MICU1: variants seen among roughly 807,000 people sequenced by gnomAD.
MICU1 encodes calcium uptake protein 1, mitochondrial.
Under a neutral mutation model 56.8 loss-of-function variants are expected in MICU1, and 45 were observed. That is an observed-to-expected ratio of 0.79 (90% CI 0.62 to 1.02). The LOEUF is 1.02. MICU1 is among the 50% of genes least tolerant of loss of function. MICU1 has a pLI of 0.00. For synonymous variants in MICU1, 186 were observed against 195.1 expected (o/e 0.95, Z 0.39); for missense variants, 504 against 587.1 (o/e 0.86, Z 1.46).
intron 6 of MICU1, among the ~76,000 whole-genome samples, chr10:72,492,126 G>C (rs7919788): frequency 0.57 from 86,329 of 151,920 alleles, 25,462 homozygotes; most frequent in Non-Finnish European, 0.67. Context: ...AGGAATGGTG[G>C]TTAGACTAAC....
intron 9 of MICU1, among the ~76,000 whole-genome samples, chr10:72,416,876 A>G (rs1283432535): frequency 6.6e-6 from 1 of 152,182 alleles, no homozygotes; most frequent in East Asian, 1.9e-4. Context: ...TACCGCCACC[A>G]TACAGAGGAC....
intron 10 of MICU1, among the ~76,000 whole-genome samples, chr10:72,386,063 C>T (rs1862877006): frequency 6.6e-6 from 1 of 152,200 alleles, no homozygotes; most frequent in Admixed American, 6.5e-5. Context: ...AATGAAGGCC[C>T]CCCAACAACA....
chr10:72,530,372 A>AATG lies in MICU1; in HGVS notation c.537+3371_537+3373dup, dbSNP rs1554886002. On this transcript the variant is annotated intron_variant, in intron 5 of 11. Transcript: ENST00000361114. ...TAATAATAATAATAATAATAATAAT[A>AATG]ATGCCAGAATATATTTTGTATTACC... is the stretch of plus-strand genomic sequence containing the variant. Among the ~76,000 whole-genome samples the AATG allele has an allele frequency of 7.9e-3, 1,131 of 143,962 alleles. 23 individuals are homozygous for AATG. Among genetic ancestry groups the AATG allele is most frequent in the African/African-American group, 0.025 (970 of 39,528 alleles). 94.4% of individuals were successfully genotyped at this position (143,962 alleles called of 152,430 possible).
intron 5 of MICU1, among the ~76,000 whole-genome samples, chr10:72,513,252 A>G (rs1165855691): frequency 6.6e-6 from 1 of 152,174 alleles, no homozygotes; most frequent in African/African-American, 2.4e-5. Context: ...AACCATCCTC[A>G]TGGATATGAC....
intron 1 of MICU1, among the ~76,000 whole-genome samples, chr10:72,584,442 G>A (rs1385776145): frequency 6.6e-6 from 1 of 152,118 alleles, no homozygotes; most frequent in Non-Finnish European, 1.5e-5. Flanking sequence ...ATGTATTAAT[G>A]TGTTCAGATC....
At chr10:72,589,953 C>A (rs1168751628) in intron 1 of MICU1, among the ~76,000 whole-genome samples, 2 of 151,932 alleles carry the variant, frequency 1.3e-5, no homozygotes, top group African/African-American at 4.8e-5. Context: ...CTGCAATACA[C>A]TAAAACGCCT....
At chr10:72,559,492 CA>C (rs1485452339) in intron 3 of MICU1, among the ~76,000 whole-genome samples, 1 of 150,976 alleles carries the variant, frequency 6.6e-6, no homozygotes, top group Non-Finnish European at 1.5e-5. Flanking sequence ...TGAAATATTA[CA>C]TAAAAATTAA....
intron 8 of MICU1, among the ~76,000 whole-genome samples, chr10:72,453,949 C>T (rs950910884): frequency 1.3e-5 from 2 of 152,140 alleles, no homozygotes; most frequent in African/African-American, 4.8e-5. Flanking sequence ...GATTTTCTTG[C>T]CTCAGCCTCC....
chr10:72,602,447 T>C (rs1370970884), intron 1 of MICU1, among the ~76,000 whole-genome samples: 1 of 150,912 alleles, frequency 6.6e-6, no homozygotes, highest in African/African-American at 2.4e-5. Context: ...CGAGATTCTG[T>C]CTCAAAAAAA....
intron 9 of MICU1, among the ~76,000 whole-genome samples, chr10:72,417,834 C>T (rs1219085428): frequency 6.6e-6 from 1 of 152,176 alleles, no homozygotes; most frequent in Non-Finnish European, 1.5e-5. Flanking sequence ...CCTAGCTGCA[C>T]ATTAGATTTA....
At chr10:72,609,928 C>T (rs986328153) in intron 1 of MICU1, among the ~76,000 whole-genome samples, 28 of 150,776 alleles carry the variant, frequency 1.9e-4, no homozygotes, top group Admixed American at 7.9e-4. Context: ...CTAGCTAGTC[C>T]GGAAGCTGAG....
intron 6 of MICU1, among the ~76,000 whole-genome samples, chr10:72,493,108 T>C (rs1866719224): frequency 6.6e-6 from 1 of 151,994 alleles, no homozygotes; most frequent in Admixed American, 6.6e-5. Context: ...CCCCCAAACA[T>C]CCTTAACTAG....
chr10:72,380,242 T>C (rs11593719), intron 10 of MICU1, among the ~76,000 whole-genome samples: 13 of 151,974 alleles, frequency 8.6e-5, no homozygotes, highest in African/African-American at 3.1e-4. Context: ...ACAGGGAGCA[T>C]GAAGGCACCC....
At chr10:72,386,130 C>A (rs1862879326) in intron 10 of MICU1, among the ~76,000 whole-genome samples, 1 of 152,216 alleles carries the variant, frequency 6.6e-6, no homozygotes, top group Admixed American at 6.5e-5. Flanking sequence ...GCTGTGCCAA[C>A]ACTCTGAATC....
At chr10:72,569,648 G>C (rs1001522692) in intron 1 of MICU1, among the ~76,000 whole-genome samples, 14 of 152,114 alleles carry the variant, frequency 9.2e-5, no homozygotes, top group African/African-American at 3.4e-4. Flanking sequence ...TTAGTCTTAA[G>C]CCTCAGAATG....
chr10:72,502,163 T>G (rs79901160), intron 6 of MICU1, among the ~76,000 whole-genome samples: 65,718 of 140,486 alleles, frequency 0.47, 18,564 homozygotes, highest in Non-Finnish European at 0.66. Flanking sequence ...TTTTTGTTTT[T>G]TTTTTTTTTT....
intron 8 of MICU1, chr10:72,473,114 A>T (rs1263668139): frequency 6.6e-6 from 1 of 152,092 alleles, no homozygotes; most frequent in South Asian, 2.1e-4. Context: ...TGAAAACAAA[A>T]GCATCACCAA....
At chr10:72,610,548 G>C (rs1355180557) in intron 1 of MICU1, among the ~76,000 whole-genome samples, 1 of 152,182 alleles carries the variant, frequency 6.6e-6, no homozygotes, top group Non-Finnish European at 1.5e-5. Flanking sequence ...AGGCCTTAGT[G>C]GGCCAGGGAA....
At chr10:72,544,921 T>C (rs1839861676) in intron 4 of MICU1, among the ~76,000 whole-genome samples, 1 of 152,260 alleles carries the variant, frequency 6.6e-6, no homozygotes, top group Non-Finnish European at 1.5e-5. Flanking sequence ...TAGGGCTTCA[T>C]GTAGTCTGTG....
Sources: allele counts gnomAD v4.1 joint callset (sites outside exome capture counted in the v4.1 genomes callset), GRCh38; gene constraint gnomAD v4.1.1; transcripts MANE v1.5; gene names NCBI Gene and HGNC (gene_info 2026-07-23, HGNC 2026-07-21).